Variants in KCNK18 observed in about 807,000 individuals in gnomAD.
KCNK18 encodes the protein potassium channel subfamily K member 18.
In KCNK18, 8 loss-of-function variants were observed where a neutral mutation model predicts 11.8. That is an observed-to-expected ratio of 0.68 (90% CI 0.40 to 1.22). The LOEUF is 1.22. KCNK18 is among the 50% of genes most tolerant of loss of function. KCNK18 has a pLI of 0.01. For missense variants in KCNK18, 442 were observed against 465.4 expected, an observed-to-expected ratio of 0.95 and a Z score of 0.46; for synonymous variants, 208 against 185.8, an observed-to-expected ratio of 1.12 and a Z score of -0.97.
At position 117,205,274 on chromosome 10, in the gene KCNK18, G is replaced by A. The variant is rs568134078; in HGVS notation, c.352+3987G>A. 2.6e-5 allele frequency among the ~76,000 whole-genome samples: 4 copies of A among 152,248 alleles called. No individual in the cohort carries two copies. The South Asian group carries it at 8.3e-4, about 32-fold the overall frequency. The stretch of plus-strand genomic sequence containing the variant: ...ACTGATTGTATCAAAATATATGAAT[G>A]CATTCTAAGAAATAATGAGTTCCAT... On this transcript the variant is annotated intron_variant, in intron 2 of 2. Transcript: ENST00000334549.
rs757426206 is a variant in KCNK18 at position 117,209,628 on chromosome 10, T to C, written c.484T>C (p.Ser162Pro). ...GDILATILSTSYNRFRKFPFF... is the reference protein window; with the variant it reads ...GDILATILSTPYNRFRKFPFF... ...CATCCTGGCAACCATCTTATCTACA[T>C]CTTATAATCGGTTCCGAAAATTCCC... is the stretch of plus-strand genomic sequence containing the variant. The change falls in exon 3 of 3, where the codon TCT becomes CCT. Residue 162 changes from serine (S) to proline (P), a missense_variant. By Grantham distance (74) the Ser-to-Pro change is moderately conservative. Transcript: ENST00000334549. 1.9e-6 allele frequency: 3 copies of C among 1,614,078 alleles called. No homozygotes were observed. The highest frequency in any genetic ancestry group is 2.5e-6 in the Non-Finnish European group (3 of 1,180,004).
chr10:117,205,542 C>A (rs1445912779), intron 2 of KCNK18, among the ~76,000 whole-genome samples: 1 of 152,148 alleles, frequency 6.6e-6, no homozygotes, highest in African/African-American at 2.4e-5. Flanking sequence ...GTGCTCAAAT[C>A]CCAGCTCCTT....
At chr10:117,202,904 T>TTTTTTTTTTTTTTA (rs1855032324) in intron 2 of KCNK18, among the ~76,000 whole-genome samples, 1 of 147,826 alleles carries the variant, frequency 6.8e-6, no homozygotes, top group Non-Finnish European at 1.5e-5. Context: ...TTTTTTTTTT[T>TTTTTTTTTTTTTTA]TTTTGAGATG....
intron 2 of KCNK18, among the ~76,000 whole-genome samples, chr10:117,202,076 G>A (rs1489099369): frequency 1.3e-5 from 2 of 152,234 alleles, no homozygotes; most frequent in Non-Finnish European, 2.9e-5. Flanking sequence ...TGCCCCTCTT[G>A]GCTGGCAAAA....
Position 117,210,258 on chromosome 10 carries a change from T to G in KCNK18, c.1114T>G (p.Phe372Val). Reference protein sequence around the residue: ...LIDIYKNVMLFFAKGKFYHLV... With the variant: ...LIDIYKNVMLVFAKGKFYHLV... ...TGACATATACAAAAATGTTATGCTA[T>G]TCTTTGCAAAAGGGAAGTTTTACCA... The change falls in exon 3 of 3, where the codon TTC becomes GTC. Residue 372 changes from phenylalanine (F) to valine (V), a missense_variant. By Grantham distance (50) the Phe-to-Val change is conservative. Coordinates refer to ENST00000334549, the MANE Select transcript of KCNK18 (RefSeq NM_181840.1). 6.2e-7 allele frequency: 1 copy of G among 1,614,156 alleles called. No homozygotes were observed. Among genetic ancestry groups the G allele is most frequent in the Non-Finnish European group, 8.5e-7 (1 of 1,180,048 alleles).
intron 2 of KCNK18, among the ~76,000 whole-genome samples, chr10:117,204,250 T>C (rs1855049428): frequency 7.4e-6 from 1 of 135,934 alleles, no homozygotes. Flanking sequence ...TGACAAGAGT[T>C]GGCCTGGATG....
In KCNK18 at chr10:117,210,032, T is replaced by G; in HGVS notation, c.888T>G (p.Cys296Trp). 1 of 1,614,242 alleles carries G rather than the reference T, an allele frequency of 6.2e-7. No homozygotes were observed. The highest frequency in any genetic ancestry group is 8.5e-7 in the Non-Finnish European group (1 of 1,180,040). ...IALIVFAYIS[C>W]AAAILPFWET... ...TTATTGTTTTTGCCTACATTTCCTGTGCAGCTGCCATCCTCCCCTTCTGGG... is the reference window on the plus strand; with the variant it reads ...TTATTGTTTTTGCCTACATTTCCTGGGCAGCTGCCATCCTCCCCTTCTGGG... Residue 296 changes from cysteine (C) to tryptophan (W), a missense_variant, in exon 3 of 3, where the codon TGT (cysteine) becomes TGG (tryptophan). Cys to Trp is a radical substitution (Grantham distance 215). Coordinates refer to ENST00000334549, the MANE Select transcript of KCNK18 (RefSeq NM_181840.1).
intron 1 of KCNK18, 90 bp downstream of exon 1, chr10:117,197,801 C>A: frequency 8.8e-7 from 1 of 1,133,226 alleles, no homozygotes; most frequent in Non-Finnish European, 1.3e-6. Flanking sequence ...GAGGCTGGGT[C>A]TGGGAGCTGC....
rs750157980 is a variant in KCNK18, at chr10:117,202,885, G to GTTTTTTTTTTTTTTTTTTTTTTTTT, written c.352+1598_352+1599insTTTTTTTTTTTTTTTTTTTTTTTTT. ...CGTGGTTTCTCCCATTTGCCTGAATGCTTTTTTTTTTTTTTTTTTTTTTGA... is the reference window on the plus strand; with the variant it reads ...CGTGGTTTCTCCCATTTGCCTGAATGTTTTTTTTTTTTTTTTTTTTTTTTTCTTTTTTTTTTTTTTTTTTTTTTGA... On this transcript the variant is annotated intron_variant, in intron 2 of 2. Coordinates refer to ENST00000334549, the MANE Select transcript of KCNK18 (RefSeq NM_181840.1). 3.6e-5 allele frequency among the ~76,000 whole-genome samples: 4 copies of GTTTTTTTTTTTTTTTTTTTTTTTTT among 111,292 alleles called. 1 individual carries two copies. 73.0% of individuals were successfully genotyped at this position (111,292 alleles called of 152,430 possible).
intron 1 of KCNK18, among the ~76,000 whole-genome samples, chr10:117,200,908 C>A (rs1855006182): frequency 6.6e-6 from 1 of 152,198 alleles, no homozygotes; most frequent in Non-Finnish European, 1.5e-5. Context: ...GTGGGACCCC[C>A]ATGGGCCTCT....
chr10:117,201,434 C>A, intron 2 of KCNK18, 147 bp downstream of exon 2: 1 of 850,180 alleles, frequency 1.2e-6, no homozygotes. Context: ...TGCACACCTA[C>A]AAATAGCAGC....
At chr10:117,200,555 C>G (rs1245091169) in intron 1 of KCNK18, among the ~76,000 whole-genome samples, 1 of 152,092 alleles carries the variant, frequency 6.6e-6, no homozygotes, top group East Asian at 1.9e-4. Context: ...CGCCTATAAT[C>G]CCAGCCCTTT....
intron 2 of KCNK18, among the ~76,000 whole-genome samples, chr10:117,209,269 A>C (rs1378754300): frequency 6.6e-6 from 1 of 152,186 alleles, no homozygotes; most frequent in African/African-American, 2.4e-5. Flanking sequence ...AAAGACCTGG[A>C]TATCAGTTGC....
rs373933439 is a variant in KCNK18, at chr10:117,210,074, C to T, written c.930C>T (p.Phe310=). The T allele has an allele frequency of 2.4e-5, 39 of 1,614,178 alleles. No individual in the cohort carries two copies. The highest frequency in any genetic ancestry group is 1.6e-4 in the Middle Eastern group (1 of 6,062). The part of the protein sequence containing the change: ...ILPFWETQLD[F]ENAFYFCFVT... ...CCTTCTGGGAGACACAGTTGGATTT[C>T]GAGAATGCCTTCTATTTCTGCTTTG... The change falls in exon 3 of 3, where the codon TTC becomes TTT. Residue 310 remains phenylalanine, a synonymous_variant. Coordinates refer to ENST00000334549, the MANE Select transcript of KCNK18 (RefSeq NM_181840.1).
At chr10:117,202,661 G>A (rs1032713712) in intron 2 of KCNK18, among the ~76,000 whole-genome samples, 3 of 152,132 alleles carry the variant, frequency 2.0e-5, no homozygotes, top group Admixed American at 1.3e-4. Flanking sequence ...CCTCCCAGCC[G>A]CCTCTAAGCT....
chr10:117,197,668 G>A lies in KCNK18; in HGVS notation c.180G>A (p.Lys60=), dbSNP rs369539052. 3.7e-6 allele frequency: 6 copies of A among 1,614,032 alleles called. No homozygotes were observed. Among genetic ancestry groups the A allele is most frequent in the African/African-American group, 2.7e-5 (2 of 74,916 alleles). Residue 60 remains lysine (K), a synonymous_variant, in exon 1 of 3, where the codon AAG becomes AAA. Coordinates refer to ENST00000334549, the MANE Select transcript of KCNK18 (RefSeq NM_181840.1). ...CAGCAGATGATGGAGAGTTTGAGAA[G>A]TTCTTGGAGGAGCTCTGCAGAATCT... ...LVAADDGEFE[K]FLEELCRILN... is the part of the protein sequence containing the mutation.
chr10:117,202,985 T>G (rs1292427955), intron 2 of KCNK18, among the ~76,000 whole-genome samples: 1 of 149,152 alleles, frequency 6.7e-6, no homozygotes, highest in African/African-American at 2.5e-5. Flanking sequence ...CAAGTGATTC[T>G]TGTGTCTCAG....
chr10:117,206,467 C>T (rs981617069), intron 2 of KCNK18, among the ~76,000 whole-genome samples: 3 of 152,186 alleles, frequency 2.0e-5, no homozygotes, highest in Non-Finnish European at 2.9e-5. Context: ...TTAATCACAT[C>T]GACAAAGACC....
intron 2 of KCNK18, among the ~76,000 whole-genome samples, chr10:117,202,623 G>A (rs964020404): frequency 5.3e-5 from 8 of 152,318 alleles, no homozygotes; most frequent in Non-Finnish European, 1.0e-4. Flanking sequence ...CAGCCATGAC[G>A]ATGTCTTCCC....
Sources: gnomAD v4.1 joint callset for allele counts (sites outside exome capture counted in the v4.1 genomes callset) on GRCh38, gnomAD v4.1.1 for gene constraint, MANE v1.5 for transcripts, NCBI Gene and HGNC (gene_info 2026-07-23, HGNC 2026-07-21) for gene names.